Variants in DPH6 observed in about 807,000 individuals in gnomAD.
DPH6 encodes the protein diphthamine biosynthesis 6, also known as diphthine--ammonia ligase.
In DPH6, 33 loss-of-function variants were observed where a neutral mutation model predicts 38.2. The ratio of observed to expected loss-of-function variants is 0.86; its 90% CI spans 0.65 to 1.15. DPH6 has a LOEUF of 1.15. Ranked by LOEUF, DPH6 falls within the 50% of genes most tolerant of loss-of-function variation. DPH6 has a pLI of 0.00. For missense variants in DPH6, 325 were observed against 320.0 expected (o/e 1.02, Z -0.12); for synonymous variants, 108 against 103.0 (o/e 1.05, Z -0.30).
intron 3 of DPH6, chr15:35,521,567 G>A: frequency 8.2e-7 from 1 of 1,226,076 alleles, no homozygotes. Flanking sequence ...GTCATGAACT[G>A]TGAGAAAATG....
chr15:35,390,932 T>G (rs1445898845), intron 6 of DPH6, among the ~76,000 whole-genome samples: 1 of 152,166 alleles, frequency 6.6e-6, no homozygotes, highest in Non-Finnish European at 1.5e-5. Context: ...TTTTTAGAGT[T>G]TCTGGTTTTT....
intron 6 of DPH6, among the ~76,000 whole-genome samples, chr15:35,390,931 T>C (rs952115159): frequency 3.9e-5 from 6 of 152,008 alleles, no homozygotes; most frequent in Non-Finnish European, 7.4e-5. Context: ...ATTTTTAGAG[T>C]TTCTGGTTTT....
intron 3 of DPH6, among the ~76,000 whole-genome samples, chr15:35,364,531 C>T (rs1380452013): frequency 6.6e-6 from 1 of 151,946 alleles, no homozygotes; most frequent in African/African-American, 2.4e-5. Context: ...CTGGAAATTC[C>T]TCCACTTTTA....
chr15:35,176,883 T>C, the DPH6 span, among the ~76,000 whole-genome samples: 32,847 of 152,210 alleles, frequency 0.22, 4,462 homozygotes, highest in East Asian at 0.68. Context: ...GTTTTTCAGG[T>C]GACATGTGAA....
At chr15:35,190,110 T>C in the DPH6 span, among the ~76,000 whole-genome samples, 13 of 152,258 alleles carry the variant, frequency 8.5e-5, no homozygotes, top group Admixed American at 1.3e-4. Flanking sequence ...GTGTTTCCTT[T>C]GGCAGTACTG....
intron 3 of DPH6, among the ~76,000 whole-genome samples, chr15:35,482,245 C>T (rs902531098): frequency 2.0e-5 from 3 of 152,124 alleles, no homozygotes; most frequent in Middle Eastern, 3.4e-3. Context: ...CTGGGTGAAG[C>T]GATATATGTT....
chr15:35,194,369 C>CAGAGAGAGAGAGAGAGAGAGAGAGAGAG, the DPH6 span, among the ~76,000 whole-genome samples: 37 of 144,746 alleles, frequency 2.6e-4, no homozygotes, highest in African/African-American at 7.9e-4. Flanking sequence ...TTCCTTTTTC[C>CAGAGAGAGAGAGAGAGAGAGAGAGAGAG]AGAGAGAGAG....
intron 3 of DPH6, among the ~76,000 whole-genome samples, chr15:35,333,283 C>T (rs1219778366): frequency 6.6e-6 from 1 of 152,022 alleles, no homozygotes; most frequent in African/African-American, 2.4e-5. Flanking sequence ...AGCAATGATA[C>T]GAATACTTGG....
At chr15:35,173,977 T>C in the DPH6 span, among the ~76,000 whole-genome samples, 2 of 152,204 alleles carry the variant, frequency 1.3e-5, no homozygotes, top group African/African-American at 2.4e-5. Flanking sequence ...TTTAGGTGTT[T>C]ATGATATGTA....
intron 3 of DPH6, chr15:35,237,688 C>A: frequency 6.2e-7 from 1 of 1,613,808 alleles, no homozygotes; most frequent in Non-Finnish European, 8.5e-7. Flanking sequence ...TAGACCTTTT[C>A]AATTGCGAGG....
intron 3 of DPH6, among the ~76,000 whole-genome samples, chr15:35,274,128 A>C (rs757771354): frequency 7.2e-5 from 11 of 152,190 alleles, no homozygotes; most frequent in Admixed American, 2.0e-4. Context: ...TCTTCAACTA[A>C]CCTGACAAAA....
chr15:35,504,002 A>G (rs111361021), intron 3 of DPH6, among the ~76,000 whole-genome samples: 1 of 152,102 alleles, frequency 6.6e-6, no homozygotes, highest in African/African-American at 2.4e-5. Context: ...CAATTTATCC[A>G]GTCTTGATTT....
At chr15:35,499,358 G>A (rs538013999) in intron 3 of DPH6, among the ~76,000 whole-genome samples, 1 of 152,182 alleles carries the variant, frequency 6.6e-6, no homozygotes, top group Non-Finnish European at 1.5e-5. Flanking sequence ...GATTATGAGA[G>A]TTAATTAATC....
At chr15:35,529,667 A>C (rs1196475432) in intron 3 of DPH6, among the ~76,000 whole-genome samples, 2 of 152,192 alleles carry the variant, frequency 1.3e-5, no homozygotes, top group Non-Finnish European at 2.9e-5. Context: ...GAGGGCAAAG[A>C]CTATGCCTCA....
chr15:35,183,205 T>C, the DPH6 span, among the ~76,000 whole-genome samples: 1 of 152,206 alleles, frequency 6.6e-6, no homozygotes, highest in Non-Finnish European at 1.5e-5. Flanking sequence ...AAGCAAAGTA[T>C]CTAAACAGTA....
At chr15:35,211,931 T>A in the DPH6 span, among the ~76,000 whole-genome samples, 1 of 152,214 alleles carries the variant, frequency 6.6e-6, no homozygotes, top group Non-Finnish European at 1.5e-5. Context: ...GGCCTTCGGC[T>A]CTACATACAT....
chr15:35,543,353 G>A (rs1378911491), intron 1 of DPH6, among the ~76,000 whole-genome samples: 1 of 147,038 alleles, frequency 6.8e-6, no homozygotes, highest in Admixed American at 6.9e-5. Context: ...CACATTGAAA[G>A]GAACTTCTAA....
chr15:35,500,321 T>C (rs918870109), intron 3 of DPH6, among the ~76,000 whole-genome samples: 3 of 152,162 alleles, frequency 2.0e-5, no homozygotes, highest in Non-Finnish European at 2.9e-5. Context: ...GAATGGGTTG[T>C]TGATGACTAT....
chr15:35,174,279 T>G, the DPH6 span, among the ~76,000 whole-genome samples: 4 of 152,336 alleles, frequency 2.6e-5, no homozygotes, highest in African/African-American at 9.6e-5. Flanking sequence ...TGCTTAGAAG[T>G]AAAAGAATTT....
Sources: allele counts gnomAD v4.1 joint callset (sites outside exome capture counted in the v4.1 genomes callset), GRCh38; gene constraint gnomAD v4.1.1; transcripts MANE v1.5; gene names NCBI Gene and HGNC (gene_info 2026-07-23, HGNC 2026-07-21).